Variants in VGLL4 observed in about 807,000 individuals in gnomAD.
VGLL4 encodes transcription cofactor vestigial-like protein 4.
VGLL4 carries 7 observed loss-of-function variants against 21.0 expected under a neutral mutation model. The observed-to-expected ratio is 0.33, with a 90% CI of 0.19 to 0.63. The LOEUF is 0.63. VGLL4 is among the 20% of genes least tolerant of loss of function. VGLL4 has a pLI of 0.78. For synonymous variants in VGLL4, 222 were observed against 173.2 expected (o/e 1.28, Z -2.21); for missense variants, 394 against 425.7 (o/e 0.93, Z 0.66).
chr3:11,573,216 G>C (rs1406335399), intron 2 of VGLL4, among the ~76,000 whole-genome samples: 1 of 145,766 alleles, frequency 6.9e-6, no homozygotes. Flanking sequence ...AAGAGAGAGA[G>C]AGAAAGACAG....
intron 2 of VGLL4, among the ~76,000 whole-genome samples, chr3:11,659,985 C>A (rs1046685770): frequency 6.6e-6 from 1 of 151,900 alleles, no homozygotes; most frequent in Non-Finnish European, 1.5e-5. Flanking sequence ...CACGGTGAAA[C>A]CCTGTCTCTA....
chr3:11,624,009 T>C (rs62245779), intron 1 of VGLL4, among the ~76,000 whole-genome samples: 17,555 of 152,138 alleles, frequency 0.12, 1,229 homozygotes, highest in South Asian at 0.21. Context: ...CCCAAAGTGC[T>C]GGGATTACAG....
chr3:11,599,445 T>C (rs1486466380), intron 2 of VGLL4, among the ~76,000 whole-genome samples: 2 of 148,864 alleles, frequency 1.3e-5, no homozygotes, highest in African/African-American at 5.0e-5. Flanking sequence ...TATTTACACT[T>C]AAAATTATTT....
At chr3:11,589,155 T>A (rs1366956129) in intron 2 of VGLL4, among the ~76,000 whole-genome samples, 2 of 152,188 alleles carry the variant, frequency 1.3e-5, no homozygotes, top group African/African-American at 4.8e-5. Context: ...TTCCTGAACC[T>A]GGCAACCAGT....
intron 1 of VGLL4, among the ~76,000 whole-genome samples, chr3:11,614,928 A>G (rs2075133387): frequency 6.6e-6 from 1 of 152,246 alleles, no homozygotes; most frequent in South Asian, 2.1e-4. Context: ...AAGCTACCCA[A>G]AAAGTTGAAT....
chr3:11,607,925 C>T (rs549021919), intron 1 of VGLL4, among the ~76,000 whole-genome samples: 2 of 152,256 alleles, frequency 1.3e-5, no homozygotes, highest in East Asian at 3.9e-4. Flanking sequence ...ATCAGTGTGT[C>T]GAGTGCCTGT....
chr3:11,644,045 GAA>G, upstream of VGLL4: 1 of 960,864 alleles, frequency 1.0e-6, no homozygotes, highest in Non-Finnish European at 1.2e-6. Flanking sequence ...GTGTTGGAAA[GAA>G]AGAGAAAGGG....
At chr3:11,659,788 T>C (rs1450490934) in intron 2 of VGLL4, among the ~76,000 whole-genome samples, 1 of 152,252 alleles carries the variant, frequency 6.6e-6, no homozygotes, top group African/African-American at 2.4e-5. Context: ...CTATAACCCA[T>C]TGATTATTGC....
At chr3:11,651,751 T>C (rs1451719508) in intron 2 of VGLL4, among the ~76,000 whole-genome samples, 1 of 150,874 alleles carries the variant, frequency 6.6e-6, no homozygotes, top group Non-Finnish European at 1.5e-5. Context: ...GAGTAGCTGA[T>C]TTAAAAAAAA....
Position 11,573,796 on chromosome 3 carries a change from C to T in VGLL4, c.273-8777G>A, listed in dbSNP as rs557934748. Among the ~76,000 whole-genome samples, 3 of 152,302 alleles carry T rather than the reference C, an allele frequency of 2.0e-5. 1 individual carries two copies. The highest frequency in any genetic ancestry group is 6.5e-5 in the Admixed American group (1 of 15,298). ...GTTGAACTGTGTCCCCCTGAAAAGA[C>T]ATTGAAGTCCTAACCCCCTAGGTTC... On this transcript the variant is annotated intron_variant, in intron 2 of 4. Transcript: ENST00000430365.
chr3:11,629,724 G>A (rs1349672635), intron 1 of VGLL4, among the ~76,000 whole-genome samples: 1 of 149,326 alleles, frequency 6.7e-6, no homozygotes, highest in Non-Finnish European at 1.5e-5. Context: ...CTCCAGCCTG[G>A]GCTACAGAGC....
chr3:11,687,538 G>A (rs1037052498), intron 2 of VGLL4, among the ~76,000 whole-genome samples: 3 of 152,046 alleles, frequency 2.0e-5, no homozygotes, highest in Admixed American at 6.6e-5. Flanking sequence ...TCAAACTCCT[G>A]GCTTCAAGCA....
intron 1 of VGLL4, among the ~76,000 whole-genome samples, chr3:11,618,702 T>C (rs1189346307): frequency 1.3e-5 from 2 of 152,226 alleles, no homozygotes; most frequent in African/African-American, 2.4e-5. Context: ...AAAAAAGTCA[T>C]AGAATTTAAC....
chr3:11,619,646 C>T (rs2075227811), intron 1 of VGLL4, among the ~76,000 whole-genome samples: 1 of 152,116 alleles, frequency 6.6e-6, no homozygotes, highest in Non-Finnish European at 1.5e-5. Flanking sequence ...GGTCTAGAGC[C>T]ACCATAGGGC....
chr3:11,633,195 T>A (rs2075516986), intron 1 of VGLL4: 1 of 151,818 alleles, frequency 6.6e-6, no homozygotes, highest in African/African-American at 2.4e-5. Flanking sequence ...GACACTGGAG[T>A]CATTCATAAG....
intron 3 of VGLL4, among the ~76,000 whole-genome samples, chr3:11,561,125 AC>A (rs60878177): frequency 0.23 from 33,603 of 147,104 alleles, 4,378 homozygotes; most frequent in African/African-American, 0.36. Flanking sequence ...GCTCTAGGAG[AC>A]CCCCCCCCAG....
rs746324268 is a variant in VGLL4 at position 11,558,624 on chromosome 3, T to C, written c.823A>G (p.Arg275Gly). The change falls in exon 5 of 5, where the codon AGG becomes GGG. Residue 275 changes from arginine (R) to glycine (G), a missense_variant. Physicochemically the swap from Arg to Gly is moderately radical, Grantham distance 125. Transcript: ENST00000430365. ...GCAGAGGGGCTGGCGGGCTGGCCCCTGCGAGAGGCGGACTCAGGGCTGCTG... is the reference window on the plus strand; with the variant it reads ...GCAGAGGGGCTGGCGGGCTGGCCCCCGCGAGAGGCGGACTCAGGGCTGCTG... Reference protein sequence around the residue: ...ASSSPESASRRGQPASPSAHM... With the variant: ...ASSSPESASRGGQPASPSAHM... 1.9e-6 allele frequency: 3 copies of C among 1,608,746 alleles called. No individual in the cohort carries two copies. The highest frequency in any genetic ancestry group is 2.2e-5 in the South Asian group (2 of 91,074).
chr3:11,659,445 C>A (rs963444781), intron 2 of VGLL4, among the ~76,000 whole-genome samples: 5 of 151,100 alleles, frequency 3.3e-5, no homozygotes, highest in African/African-American at 1.2e-4. Flanking sequence ...AATTCTCCTG[C>A]CTCAGCCTCC....
At chr3:11,562,374 TG>T (rs1287662338) in intron 3 of VGLL4, among the ~76,000 whole-genome samples, 1 of 152,170 alleles carries the variant, frequency 6.6e-6, no homozygotes, top group African/African-American at 2.4e-5. Context: ...CCCAGAGATC[TG>T]AGACACATTT....
Sources: allele counts gnomAD v4.1 joint callset (sites outside exome capture counted in the v4.1 genomes callset), GRCh38; gene constraint gnomAD v4.1.1; transcripts MANE v1.5; gene names NCBI Gene and HGNC (gene_info 2026-07-23, HGNC 2026-07-21).